TPTE: variants seen among roughly 807,000 people sequenced by gnomAD.
TPTE encodes the protein transmembrane phosphatase with tensin homology.
A neutral mutation model predicts 84.1 loss-of-function variants in TPTE; 59 were observed. That is an observed-to-expected ratio of 0.70 (90% CI 0.57 to 0.87). TPTE has a LOEUF of 0.87. TPTE is among the 40% of genes least tolerant of loss of function. TPTE has a pLI of 0.00. For synonymous variants in TPTE, 130 were observed against 223.5 expected (o/e 0.58, Z 3.73); for missense variants, 382 against 659.6 (o/e 0.58, Z 4.61).
Position 10,524,605 on chromosome 21 carries a change from C to T in TPTE, c.-185C>T, listed in dbSNP as rs1382000519. ...AGAATGTTGGACCGACGACACAAGA[C>T]CTCAGACTTGTGTTATTCTAGCAGC... On this transcript the variant is annotated 5_prime_UTR_variant, in exon 2 of 24. Transcript: ENST00000618007. The T allele has an allele frequency of 1.1e-4, 17 of 152,678 alleles. No individual in the cohort carries two copies. Among genetic ancestry groups the T allele is most frequent in the African/African-American group, 4.1e-4 (17 of 41,482 alleles). The allele number at this position is 152,678 out of a possible 1,614,324, so 9.5% of individuals were successfully genotyped here.
At position 10,561,072 on chromosome 21, in the gene TPTE, C is replaced by A. The variant is rs1328084978; in HGVS notation, c.327C>A (p.Ile109=). Residue 109 remains isoleucine, a synonymous_variant, in exon 10 of 24, where the codon ATC becomes ATA. Transcript: ENST00000618007. ...VFLVLLDVTL[I]LADLIFTDSK... ...TGGTCTTACTGGATGTCACTCTCATCCTTGCCGACCTAATTTTCACTGACA... is the reference window on the plus strand; with the variant it reads ...TGGTCTTACTGGATGTCACTCTCATACTTGCCGACCTAATTTTCACTGACA... 6.2e-7 allele frequency: 1 copy of A among 1,611,984 alleles called. No homozygotes were observed. Among genetic ancestry groups the A allele is most frequent in the South Asian group, 1.1e-5 (1 of 91,002 alleles).
chr21:10,535,760 C>T (rs369868500), intron 3 of TPTE, among the ~76,000 whole-genome samples: 2 of 152,310 alleles, frequency 1.3e-5, no homozygotes, highest in Admixed American at 6.5e-5. Flanking sequence ...GGGTTCCTCA[C>T]CTTCTAGCGT....
chr21:10,585,202 C>T (rs1393164533), intron 17 of TPTE, among the ~76,000 whole-genome samples: 2 of 151,650 alleles, frequency 1.3e-5, no homozygotes, highest in Non-Finnish European at 2.9e-5. Flanking sequence ...TGCTCTCCAA[C>T]CTGGATGACA....
At chr21:10,545,697 A>G (rs1030087485) in intron 7 of TPTE, among the ~76,000 whole-genome samples, 2 of 152,158 alleles carry the variant, frequency 1.3e-5, no homozygotes, top group African/African-American at 4.8e-5. Context: ...ATACAGATAT[A>G]TCTTTTAGCT....
intron 21 of TPTE, among the ~76,000 whole-genome samples, chr21:10,598,525 G>A (rs1171120566): frequency 4.6e-5 from 7 of 151,688 alleles, no homozygotes; most frequent in Admixed American, 2.0e-4. Context: ...ACATTCCTAG[G>A]TTGTACCCCC....
chr21:10,552,606 GT>G (rs1310329514), intron 7 of TPTE, 50 bp from the exon 8 acceptor site: 1 of 1,612,776 alleles, frequency 6.2e-7, no homozygotes, highest in Non-Finnish European at 8.5e-7. Flanking sequence ...TCACTATTTT[GT>G]GTAGCAAATA....
At chr21:10,603,202 A>G (rs1978798169) in intron 22 of TPTE, among the ~76,000 whole-genome samples, 1 of 145,110 alleles carries the variant, frequency 6.9e-6, no homozygotes, top group Non-Finnish European at 1.5e-5. Flanking sequence ...TGAGGCAACA[A>G]AAAAATTACA....
At chr21:10,583,806 T>C (rs1212567824) in intron 17 of TPTE, among the ~76,000 whole-genome samples, 1 of 152,312 alleles carries the variant, frequency 6.6e-6, no homozygotes, top group Non-Finnish European at 1.5e-5. Flanking sequence ...TCAGAAGATT[T>C]TCATTTCTTT....
At chr21:10,570,930 G>A (rs2075029918) in intron 14 of TPTE, among the ~76,000 whole-genome samples, 1 of 152,310 alleles carries the variant, frequency 6.6e-6, no homozygotes, top group Admixed American at 6.5e-5. Flanking sequence ...TCGACTGAAA[G>A]AGCCACTGCA....
chr21:10,525,137 C>T (rs1372753942), intron 2 of TPTE, among the ~76,000 whole-genome samples: 8 of 152,310 alleles, frequency 5.3e-5, no homozygotes, highest in African/African-American at 1.9e-4. Flanking sequence ...CTTCAGTGGT[C>T]CCATCTCAAT....
intron 10 of TPTE, among the ~76,000 whole-genome samples, chr21:10,565,212 G>T (rs1335471222): frequency 1.3e-5 from 2 of 152,308 alleles, no homozygotes. Context: ...TATGTCAACA[G>T]TGAACCATTT....
chr21:10,523,456 C>CCACCCCA (rs1240692859), intron 1 of TPTE, among the ~76,000 whole-genome samples: 1 of 133,190 alleles, frequency 7.5e-6, no homozygotes, highest in Admixed American at 8.4e-5. Context: ...CCCCCTCCCC[C>CCACCCCA]CACCCCACAA....
At chr21:10,524,072 G>C (rs534968373) in intron 1 of TPTE, among the ~76,000 whole-genome samples, 1 of 152,428 alleles carries the variant, frequency 6.6e-6, no homozygotes, top group African/African-American at 2.4e-5. Flanking sequence ...TCACAAGAGC[G>C]CTAGGATTCT....
chr21:10,562,829 T>C (rs1230420038), intron 10 of TPTE, among the ~76,000 whole-genome samples: 1 of 152,302 alleles, frequency 6.6e-6, no homozygotes, highest in African/African-American at 2.4e-5. Flanking sequence ...GTGGGGAGTG[T>C]AGAAAGTTTA....
intron 8 of TPTE, among the ~76,000 whole-genome samples, chr21:10,554,499 C>G (rs1289063610): frequency 6.6e-6 from 1 of 152,310 alleles, no homozygotes; most frequent in African/African-American, 2.4e-5. Flanking sequence ...TATATTTGTT[C>G]TAATGCATGT....
At chr21:10,541,499 C>T (rs1408757966) in intron 5 of TPTE, among the ~76,000 whole-genome samples, 1 of 152,280 alleles carries the variant, frequency 6.6e-6, no homozygotes, top group Admixed American at 6.5e-5. Flanking sequence ...AAGATGCACA[C>T]ACACACACAC....
intron 8 of TPTE, among the ~76,000 whole-genome samples, chr21:10,558,567 C>G (rs1439537868): frequency 6.6e-6 from 1 of 152,310 alleles, no homozygotes; most frequent in Non-Finnish European, 1.5e-5. Flanking sequence ...AATGTCTGTT[C>G]ATGTCAAAGG....
At chr21:10,572,449 CCAAAAAAA>C (rs1252690027) in intron 14 of TPTE, among the ~76,000 whole-genome samples, 3 of 93,120 alleles carry the variant, frequency 3.2e-5, no homozygotes, top group Non-Finnish European at 6.1e-5. Flanking sequence ...GAGACTGTAT[CCAAAAAAA>C]AAAAAAAAAA....
intron 8 of TPTE, among the ~76,000 whole-genome samples, chr21:10,553,268 G>T: frequency 6.6e-6 from 1 of 152,402 alleles, no homozygotes; most frequent in Middle Eastern, 3.4e-3. Flanking sequence ...TCTTAAACTG[G>T]CTTGTGTCTG....
Sources: gnomAD v4.1 joint callset for allele counts (sites outside exome capture counted in the v4.1 genomes callset) on GRCh38, gnomAD v4.1.1 for gene constraint, MANE v1.5 for transcripts, NCBI Gene and HGNC (gene_info 2026-07-23, HGNC 2026-07-21) for gene names.